The following EIF5B variants were observed in gnomAD, a reference collection of about 807,000 sequenced individuals.
EIF5B encodes eIF-5B.
In EIF5B, 47 loss-of-function variants were observed where a neutral mutation model predicts 147.5. The ratio of observed to expected loss-of-function variants is 0.32; its 90% CI spans 0.25 to 0.41. EIF5B has a LOEUF of 0.41. EIF5B is among the 10% of genes least tolerant of loss of function. EIF5B has a pLI of 1.00. For missense variants in EIF5B, 1,064 were observed against 1,413.2 expected (o/e 0.75, Z 3.96); for synonymous variants, 455 against 456.2 (o/e 1.00, Z 0.03).
At chr2:99,382,593 T>G (rs1202265886) in intron 13 of EIF5B, among the ~76,000 whole-genome samples, 187 bp from the exon 14 acceptor site, 1 of 152,226 alleles carries the variant, frequency 6.6e-6, no homozygotes, top group Non-Finnish European at 1.5e-5. Context: ...TAAAACTAGC[T>G]CATTCCACTT....
intron 1 of EIF5B, among the ~76,000 whole-genome samples, chr2:99,355,430 A>G (rs1228900785): frequency 6.6e-6 from 1 of 152,102 alleles, no homozygotes; most frequent in Admixed American, 6.5e-5. Context: ...TGAACATGGC[A>G]TGTCTCTTCA....
At chr2:99,363,446 C>G (rs2104182544) in intron 4 of EIF5B, among the ~76,000 whole-genome samples, 199 bp from the exon 5 acceptor site, 1 of 152,258 alleles carries the variant, frequency 6.6e-6, no homozygotes, top group South Asian at 2.1e-4. Context: ...GCAGACTTCT[C>G]AGGAGGCCAT....
intron 4 of EIF5B, among the ~76,000 whole-genome samples, chr2:99,362,123 A>G (rs1238704384): frequency 1.3e-5 from 2 of 152,214 alleles, no homozygotes; most frequent in African/African-American, 4.8e-5. Flanking sequence ...TGAAAAATTT[A>G]TTCTTCCTTT....
intron 14 of EIF5B, among the ~76,000 whole-genome samples, chr2:99,386,537 T>G (rs72815078): frequency 0.016 from 2,280 of 146,650 alleles, 24 homozygotes; most frequent in African/African-American, 0.025. Context: ...GTGTGTGTGT[T>G]TTTTTTTTTG....
chr2:99,342,540 A>T (rs949626846), intron 1 of EIF5B, among the ~76,000 whole-genome samples: 1 of 152,132 alleles, frequency 6.6e-6, no homozygotes, highest in African/African-American at 2.4e-5. Context: ...TTTCCCATGT[A>T]TCACAGAATT....
chr2:99,363,997 AAAT>A, intron 5 of EIF5B, 135 bp downstream of exon 5: 1 of 1,061,186 alleles, frequency 9.4e-7, no homozygotes, highest in Non-Finnish European at 1.3e-6. Context: ...GTTCCGATAC[AAAT>A]AATAAGATGA....
At chr2:99,386,523 G>C (rs1022902472) in intron 14 of EIF5B, among the ~76,000 whole-genome samples, 17 of 149,362 alleles carry the variant, frequency 1.1e-4, no homozygotes, top group African/African-American at 4.2e-4. Context: ...GTCTCTTGCT[G>C]TGTGTGTGTG....
chr2:99,363,829 G>A lies in EIF5B; in HGVS notation c.1104G>A (p.Arg368=). The change falls in exon 5 of 24, where the codon CGG becomes CGA. Residue 368 remains arginine (R), a synonymous_variant. Coordinates refer to ENST00000289371, the MANE Select transcript of EIF5B (RefSeq NM_015904.4). ...GAGAAGAGGAAGAACGTATAAAACG[G>A]CTTGAAGAATTAGAAGCCAAGCGTA... The part of the protein sequence containing the change: ...QKREEEERIK[R]LEELEAKRKE... 6.2e-7 allele frequency: 1 copy of A among 1,610,870 alleles called. No homozygotes were observed.
intron 6 of EIF5B, among the ~76,000 whole-genome samples, chr2:99,367,143 A>G (rs530519392): frequency 1.2e-4 from 19 of 152,368 alleles, no homozygotes; most frequent in African/African-American, 4.6e-4. Flanking sequence ...ACTCTAAACC[A>G]TAAAAGGAAA....
chr2:99,378,449 T>C (rs1258990935), intron 10 of EIF5B, among the ~76,000 whole-genome samples: 1 of 152,180 alleles, frequency 6.6e-6, no homozygotes, highest in Non-Finnish European at 1.5e-5. Flanking sequence ...GTTCATAAAG[T>C]GGTAGAGCCT....
intron 22 of EIF5B, 106 bp from the exon 23 acceptor site, chr2:99,398,640 CTT>C: frequency 8.0e-7 from 1 of 1,253,592 alleles, no homozygotes; most frequent in South Asian, 1.6e-5. Context: ...ACTGCCATGA[CTT>C]TTAAAACAGG....
intron 8 of EIF5B, among the ~76,000 whole-genome samples, chr2:99,369,867 T>A (rs1015579994): frequency 6.6e-6 from 1 of 152,002 alleles, no homozygotes; most frequent in Non-Finnish European, 1.5e-5. Context: ...TCCCAGCTAC[T>A]TGGGAGGCTG....
chr2:99,388,273 C>T (rs1334734246), intron 14 of EIF5B, among the ~76,000 whole-genome samples: 1 of 152,050 alleles, frequency 6.6e-6, no homozygotes, highest in Non-Finnish European at 1.5e-5. Context: ...TATATGCTTT[C>T]TACATCTTTT....
chr2:99,394,145 T>G (rs1674996746), intron 18 of EIF5B, 122 bp from the exon 19 acceptor site: 1 of 1,319,588 alleles, frequency 7.6e-7, no homozygotes, highest in Admixed American at 2.3e-5. Context: ...CCTTGCTCTA[T>G]CTAAGCCTTA....
At chr2:99,389,675 T>G in intron 14 of EIF5B, 43 bp from the exon 15 acceptor site, 2 of 1,564,302 alleles carry the variant, frequency 1.3e-6, no homozygotes, top group Non-Finnish European at 1.7e-6. Context: ...TCTTGAATGT[T>G]CTGAATTTTT....
At chr2:99,350,569 T>C (rs2105338425) in intron 1 of EIF5B, among the ~76,000 whole-genome samples, 1 of 152,340 alleles carries the variant, frequency 6.6e-6, no homozygotes, top group East Asian at 1.9e-4. Context: ...TTGAGAAATG[T>C]GTATTCTGAT....
chr2:99,339,255 C>T (rs1438847947), intron 1 of EIF5B, among the ~76,000 whole-genome samples: 1 of 151,664 alleles, frequency 6.6e-6, no homozygotes, highest in Non-Finnish European at 1.5e-5. Flanking sequence ...TCAGGTGATC[C>T]GCCCGCCTCG....
intron 10 of EIF5B, among the ~76,000 whole-genome samples, chr2:99,377,985 G>T (rs1180828417): frequency 6.6e-6 from 1 of 152,172 alleles, no homozygotes; most frequent in Non-Finnish European, 1.5e-5. Flanking sequence ...ACTTCACTAA[G>T]TGTGGGAGAG....
At chr2:99,372,211 C>T (rs1674465846) in intron 9 of EIF5B, among the ~76,000 whole-genome samples, 1 of 152,030 alleles carries the variant, frequency 6.6e-6, no homozygotes, top group Non-Finnish European at 1.5e-5. Flanking sequence ...TTTTCAGCCT[C>T]CCCCCATCTT....
Sources: allele counts gnomAD v4.1 joint callset (sites outside exome capture counted in the v4.1 genomes callset), GRCh38; gene constraint gnomAD v4.1.1; transcripts MANE v1.5; gene names NCBI Gene and HGNC (gene_info 2026-07-23, HGNC 2026-07-21).